The following CMTM4 variants were observed in gnomAD, a reference collection of about 807,000 sequenced individuals.
CMTM4 encodes the protein CKLF like MARVEL transmembrane domain containing 4, also known as CKLF-like MARVEL transmembrane domain-containing protein 4.
CMTM4 carries 8 observed loss-of-function variants against 19.0 expected under a neutral mutation model. The observed-to-expected ratio is 0.42, with a 90% CI of 0.25 to 0.76. The LOEUF (loss-of-function observed/expected upper bound fraction) is 0.76, where lower values mean the gene tolerates loss of function less well. Among genes scored for constraint, CMTM4 ranks in the 30% least tolerant of loss-of-function variants. The probability of loss-of-function intolerance (pLI) is 0.27; values close to 1 mark genes in which losing one functional copy is unlikely to be tolerated. For synonymous variants in CMTM4, 106 were observed against 121.1 expected (o/e 0.88, Z 0.82); for missense variants, 228 against 290.2 (o/e 0.79, Z 1.56).
At chr16:66,638,890 AAC>A (rs2016048080) in intron 1 of CMTM4, among the ~76,000 whole-genome samples, 3 of 151,250 alleles carry the variant, frequency 2.0e-5, no homozygotes, top group South Asian at 4.2e-4. Flanking sequence ...CAAACAAACA[AAC>A]AGAGTAGATT....
rs2017246436 is a variant in CMTM4 at position 66,696,704 on chromosome 16, C to T, written c.-179G>A. 2 of 167,382 alleles carry T rather than the reference C, an allele frequency of 1.2e-5. No individual in the cohort carries two copies. The highest frequency in any genetic ancestry group is 2.4e-5 in the Non-Finnish European group (2 of 84,330). The allele number at this position is 167,382 out of a possible 1,614,324, so 10.4% of individuals were successfully genotyped here. On this transcript the variant is annotated 5_prime_UTR_variant, in exon 1 of 4. Coordinates refer to ENST00000394106, the MANE Select transcript of CMTM4 (RefSeq NM_181521.3). The surrounding 1 kb of genome is among the most constrained non-coding windows in gnomAD (Gnocchi z 4.3). ...GCCCGGCTGCGGCTGCGGCTCGGTC[C>T]GCTCGGGCTCGGCTCCCGCCGCCTC...
At chr16:66,610,555 G>A (rs1410439763), downstream of CMTM4, among the ~76,000 whole-genome samples, 1 of 152,188 alleles carries the variant, frequency 6.6e-6, no homozygotes, top group Admixed American at 6.5e-5. This position sits in a 1 kb window ranked among gnomAD's most constrained non-coding sequence, Gnocchi z 4.6. Flanking sequence ...CAGCTGGCCC[G>A]AGGCTCTGGA....
Position 66,617,395 on chromosome 16 carries a change from T to C in CMTM4, c.*4663A>G, listed in dbSNP as rs940255762. ...AAAAAAATCCCAAAGGTTGAAAAAC[T>C]GTATCCAAATGGAAAAAGAATATAT... is the stretch of plus-strand genomic sequence containing the variant. On this transcript the variant is annotated 3_prime_UTR_variant, in exon 4 of 4. Coordinates refer to ENST00000394106, the MANE Select transcript of CMTM4 (RefSeq NM_181521.3). 7 of 1,601,942 alleles carry C rather than the reference T, an allele frequency of 4.4e-6. 1 individual carries two copies. The African/African-American group carries it at 6.7e-5, about 15-fold the overall frequency.
chr16:66,657,251 AT>A (rs1365825513), intron 1 of CMTM4, among the ~76,000 whole-genome samples: 1 of 151,914 alleles, frequency 6.6e-6, no homozygotes, highest in Non-Finnish European at 1.5e-5. Flanking sequence ...CGTCCGGCTA[AT>A]TTTTGTATTT....
the CMTM4 span, among the ~76,000 whole-genome samples, chr16:66,605,755 C>A: frequency 6.6e-6 from 1 of 152,166 alleles, no homozygotes; most frequent in Non-Finnish European, 1.5e-5. The surrounding 1 kb of genome is among the most constrained non-coding windows in gnomAD (Gnocchi z 4.6). Flanking sequence ...ACAGGTGGCT[C>A]AACTGAGGGG....
At chr16:66,635,537 A>G (rs2015974234) in intron 2 of CMTM4, among the ~76,000 whole-genome samples, 1 of 152,170 alleles carries the variant, frequency 6.6e-6, no homozygotes. Flanking sequence ...AAACACAGAC[A>G]GAGCCACGTG....
chr16:66,621,165 C>T lies in CMTM4; in HGVS notation c.*893G>A, dbSNP rs1256822716. ...AGAGGGGTGTGTGTGTGCATGTGTG[C>T]GCGCACGCGTGTGCATGCTGTTTTT... On this transcript the variant is annotated 3_prime_UTR_variant, in exon 4 of 4. Coordinates refer to ENST00000394106, the MANE Select transcript of CMTM4 (RefSeq NM_181521.3). The T allele has an allele frequency of 1.4e-5, 14 of 985,596 alleles. No individual in the cohort carries two copies. The highest frequency in any genetic ancestry group is 4.7e-5 in the South Asian group (1 of 21,290). The allele number at this position is 985,596 out of a possible 1,614,324, so 61.1% of individuals were successfully genotyped here. A position where few individuals can be genotyped will look rare whatever the true frequency, so the allele number is the denominator to read the frequency against.
intron 1 of CMTM4, among the ~76,000 whole-genome samples, chr16:66,688,929 T>G (rs1323059276): frequency 1.3e-5 from 2 of 152,216 alleles, no homozygotes; most frequent in Admixed American, 1.3e-4. Flanking sequence ...GTTTTTTTGT[T>G]TTAATTTCCA....
chr16:66,674,843 G>C (rs1027002944), intron 1 of CMTM4, among the ~76,000 whole-genome samples: 1 of 142,060 alleles, frequency 7.0e-6, no homozygotes, highest in African/African-American at 2.6e-5. Context: ...CCGGGTTCAA[G>C]CAATTCCCCT....
At chr16:66,694,080 G>A (rs1399855772) in intron 1 of CMTM4, among the ~76,000 whole-genome samples, 1 of 151,808 alleles carries the variant, frequency 6.6e-6, no homozygotes, top group African/African-American at 2.4e-5. Flanking sequence ...GCGCGAGGGA[G>A]AGAAAGAGAA....
At chr16:66,676,863 T>A (rs2016818629) in intron 1 of CMTM4, among the ~76,000 whole-genome samples, 1 of 152,168 alleles carries the variant, frequency 6.6e-6, no homozygotes. Flanking sequence ...TTCCTTATTA[T>A]CCAAATCTGT....
the CMTM4 span, among the ~76,000 whole-genome samples, chr16:66,599,166 T>C: frequency 2.0e-5 from 3 of 151,906 alleles, no homozygotes; most frequent in East Asian, 5.8e-4. Flanking sequence ...GATGCACACC[T>C]GTAATCTCAA....
At chr16:66,631,387 G>C (rs931728534) in intron 2 of CMTM4, among the ~76,000 whole-genome samples, 1 of 152,012 alleles carries the variant, frequency 6.6e-6, no homozygotes, top group Non-Finnish European at 1.5e-5. Flanking sequence ...CTACTGGGAA[G>C]TGAGGAGCCC....
At chr16:66,633,771 T>A (rs1406392508) in intron 2 of CMTM4, among the ~76,000 whole-genome samples, 3 of 146,784 alleles carry the variant, frequency 2.0e-5, no homozygotes, top group Non-Finnish European at 3.0e-5. Flanking sequence ...TGAGCCGAGA[T>A]CGCACCACTG....
At chr16:66,668,151 C>T (rs1158166940) in intron 1 of CMTM4, among the ~76,000 whole-genome samples, 1 of 150,902 alleles carries the variant, frequency 6.6e-6, no homozygotes, top group East Asian at 2.0e-4. Flanking sequence ...ACAGGTCACA[C>T]CACCAACAGA....
chr16:66,658,224 G>A (rs924227849), intron 1 of CMTM4, among the ~76,000 whole-genome samples: 3 of 135,950 alleles, frequency 2.2e-5, no homozygotes, highest in African/African-American at 8.7e-5. Flanking sequence ...AGGTAGGGAG[G>A]GAGGGAAGGA....
chr16:66,651,056 A>C (rs985464845), intron 1 of CMTM4, among the ~76,000 whole-genome samples: 1 of 152,218 alleles, frequency 6.6e-6, no homozygotes, highest in Non-Finnish European at 1.5e-5. Context: ...ATTTAACCAC[A>C]GACGAAAAAG....
intron 1 of CMTM4, among the ~76,000 whole-genome samples, chr16:66,695,360 AG>A (rs2144937380): frequency 1.3e-5 from 2 of 151,490 alleles, no homozygotes; most frequent in East Asian, 3.9e-4. Context: ...AGAGAGAGAG[AG>A]AACAAGAACA....
chr16:66,648,181 G>C (rs1321416534), intron 1 of CMTM4, among the ~76,000 whole-genome samples: 1 of 152,180 alleles, frequency 6.6e-6, no homozygotes, highest in Non-Finnish European at 1.5e-5. Context: ...ATGTTCCAGA[G>C]ACCTCCCTTC....
Sources: gnomAD v4.1 joint callset for allele counts (sites outside exome capture counted in the v4.1 genomes callset) on GRCh38, gnomAD v4.1.1 for gene constraint, Gnocchi (gnomAD v3.1) non-coding constraint, MANE v1.5 for transcripts, NCBI Gene and HGNC (gene_info 2026-07-23, HGNC 2026-07-21) for gene names.